The following ACSBG2 variants were observed in gnomAD, a reference collection of about 807,000 sequenced individuals.
The protein encoded by ACSBG2 is acyl-CoA synthetase bubblegum family member 2.
In ACSBG2, 62 loss-of-function variants were observed where a neutral mutation model predicts 74.7. That is an observed-to-expected ratio of 0.83 (90% CI 0.68 to 1.03). The LOEUF (loss-of-function observed/expected upper bound fraction) is 1.03. ACSBG2 is among the 50% of genes least tolerant of loss of function. ACSBG2 has a pLI of 0.00. For synonymous variants in ACSBG2, 309 were observed against 294.1 expected, an observed-to-expected ratio of 1.05 and a Z score of -0.52; for missense variants, 730 against 817.6, an observed-to-expected ratio of 0.89 and a Z score of 1.31.
chr19:6,142,535 G>A (rs1016819651), intron 2 of ACSBG2, among the ~76,000 whole-genome samples: 1 of 151,938 alleles, frequency 6.6e-6, no homozygotes, highest in Non-Finnish European at 1.5e-5. Flanking sequence ...GGCGGATCAC[G>A]AGGTCAGGAG....
chr19:6,137,751 A>C (rs1161917064), intron 1 of ACSBG2, among the ~76,000 whole-genome samples: 1 of 151,932 alleles, frequency 6.6e-6, no homozygotes, highest in Non-Finnish European at 1.5e-5. Context: ...GGGTTCAAGC[A>C]ATTCTCCCAC....
At chr19:6,152,263 C>A (rs1223239201) in intron 4 of ACSBG2, among the ~76,000 whole-genome samples, 1 of 150,414 alleles carries the variant, frequency 6.6e-6, no homozygotes, top group African/African-American at 2.5e-5. Flanking sequence ...TGAGCACACA[C>A]CACCACACCC....
At position 6,190,683 on chromosome 19, in the gene ACSBG2, T is replaced by C. The variant is rs1298854271; in HGVS notation, c.*26T>C. 1 of 1,606,496 alleles carries C rather than the reference T, an allele frequency of 6.2e-7. No homozygotes were observed. The highest frequency in any genetic ancestry group is 1.7e-5 in the Admixed American group (1 of 59,972). ...CTGCTTTGATGGAGCTGCTCTCAGC[T>C]GTTCTGATGGTGAGATTCAGTTGCT... On this transcript the variant is annotated 3_prime_UTR_variant, in exon 14 of 15. Transcript: ENST00000588485.
intron 4 of ACSBG2, among the ~76,000 whole-genome samples, chr19:6,152,809 T>C (rs2089284646): frequency 1.3e-5 from 2 of 152,036 alleles, no homozygotes; most frequent in South Asian, 4.2e-4. Flanking sequence ...GATTAAACCA[T>C]GAGATGCCTT....
rs2090211990 is a variant in ACSBG2 at position 6,180,317 on chromosome 19, A to C, written c.907-2434A>C. ...CCCACACTCTCCATCAAGCAGGCTA[A>C]ATCTTAGGGCCTTTGCACGTGCTTC... On this transcript the variant is annotated intron_variant, in intron 8 of 14. Coordinates refer to ENST00000588485, the MANE Select transcript of ACSBG2 (RefSeq NM_030924.5). This position sits in a 1 kb window ranked among gnomAD's most constrained non-coding sequence, Gnocchi z 4.3. Among the ~76,000 whole-genome samples, 1 of 152,162 alleles carries C rather than the reference A, an allele frequency of 6.6e-6. No homozygotes were observed. The highest frequency in any genetic ancestry group is 1.5e-5 in the Non-Finnish European group (1 of 68,034).
At chr19:6,170,067 CT>C (rs2089923917) in intron 7 of ACSBG2, among the ~76,000 whole-genome samples, 1 of 152,058 alleles carries the variant, frequency 6.6e-6, no homozygotes, top group Non-Finnish European at 1.5e-5. Context: ...ATTCATACAT[CT>C]TTTATTTCTT....
At chr19:6,157,683 C>G (rs1356948260) in intron 5 of ACSBG2, among the ~76,000 whole-genome samples, 1 of 152,116 alleles carries the variant, frequency 6.6e-6, no homozygotes, top group Non-Finnish European at 1.5e-5. Flanking sequence ...TCCCAAAGTG[C>G]TGGGATTATA....
Position 6,152,377 on chromosome 19 carries a change from G to A in ACSBG2, c.386+582G>A, listed in dbSNP as rs1197079503. Among the ~76,000 whole-genome samples, 2 of 48,642 alleles carry A rather than the reference G, an allele frequency of 4.1e-5. 1 individual carries two copies. Among genetic ancestry groups the A allele is most frequent in the Non-Finnish European group, 9.1e-5 (2 of 21,990 alleles). 31.9% of individuals were successfully genotyped at this position (48,642 alleles called of 152,430 possible). Reference sequence around the variant, plus strand: ...GCAATCTCGGCTCACTGCAAGCTCCGCTTCCCGGGTTCACGCCATTCTCCT... The same window carrying A: ...GCAATCTCGGCTCACTGCAAGCTCCACTTCCCGGGTTCACGCCATTCTCCT... On this transcript the variant is annotated intron_variant, in intron 4 of 14. Transcript: ENST00000588485.
At chr19:6,188,111 C>A (rs78503480) in intron 13 of ACSBG2, among the ~76,000 whole-genome samples, 12,694 of 152,256 alleles carry the variant, frequency 0.083, 933 homozygotes, top group African/African-American at 0.2. Flanking sequence ...TCTTGATGTT[C>A]CTGCAGCTCT....
chr19:6,189,403 G>A (rs75487388), intron 13 of ACSBG2, among the ~76,000 whole-genome samples: 12,939 of 152,222 alleles, frequency 0.085, 1,549 homozygotes, highest in African/African-American at 0.27. Flanking sequence ...CGAGTTTGCT[G>A]TCAGCGCTCG....
intron 6 of ACSBG2, among the ~76,000 whole-genome samples, chr19:6,163,230 A>C (rs376081382): frequency 0.22 from 18,224 of 84,178 alleles, 4,208 homozygotes; most frequent in Non-Finnish European, 0.29. Context: ...CGGGCAGATC[A>C]TGAGGTCAGG....
At chr19:6,192,071 C>CAAAAAAAAAAAAAAAAAAA (rs397859531) in intron 14 of ACSBG2, 29 of 57,448 alleles carry the variant, frequency 5.0e-4, no homozygotes, top group African/African-American at 2.0e-3. Context: ...AGCACAGCAC[C>CAAAAAAAAAAAAAAAAAAA]AAAAAAAAAA....
chr19:6,165,839 T>C, intron 6 of ACSBG2, 27 bp from the exon 7 acceptor site: 1 of 1,613,060 alleles, frequency 6.2e-7, no homozygotes, highest in South Asian at 1.1e-5. Context: ...TGCCTTCTCA[T>C]CCTCCGCTTG....
At chr19:6,163,142 T>C (rs905812009) in intron 6 of ACSBG2, among the ~76,000 whole-genome samples, 1 of 145,062 alleles carries the variant, frequency 6.9e-6, no homozygotes, top group Non-Finnish European at 1.5e-5. Flanking sequence ...ATAATAATAA[T>C]AATAATAATA....
chr19:6,179,489 C>T (rs1309312380), intron 8 of ACSBG2, among the ~76,000 whole-genome samples: 1 of 152,050 alleles, frequency 6.6e-6, no homozygotes, highest in Non-Finnish European at 1.5e-5. Context: ...TGATTTTCTA[C>T]ATGTCTAGAC....
chr19:6,163,100 C>A (rs1453541591), intron 6 of ACSBG2, among the ~76,000 whole-genome samples: 2 of 146,828 alleles, frequency 1.4e-5, no homozygotes, highest in East Asian at 2.0e-4. Context: ...CATGGAGAAA[C>A]CCTGTCTCTA....
chr19:6,185,581 G>C lies in ACSBG2; in HGVS notation c.1468G>C (p.Gly490Arg). Residue 490 changes from glycine (G) to arginine (R), a missense_variant, in exon 11 of 15, where the codon GGC (glycine) becomes CGC (arginine). Physicochemically the swap from Gly to Arg is moderately radical, Grantham distance 125. Transcript: ENST00000588485. ...AACTACAGAGGCCATCGATGATGAA[G>C]GCTGGCTACACTCTGGGGATCTGGG... Reference protein sequence around the residue: ...TETTEAIDDEGWLHSGDLGQL... With the variant: ...TETTEAIDDERWLHSGDLGQL... 6.2e-7 allele frequency: 1 copy of C among 1,614,196 alleles called. No homozygotes were observed.
At chr19:6,139,535 G>T (rs1027530653) in intron 1 of ACSBG2, among the ~76,000 whole-genome samples, 1 of 152,110 alleles carries the variant, frequency 6.6e-6, no homozygotes, top group East Asian at 1.9e-4. Flanking sequence ...CTGTGTTCCT[G>T]CACTCACTGA....
At chr19:6,170,528 G>C (rs546854764) in intron 7 of ACSBG2, among the ~76,000 whole-genome samples, 1 of 152,230 alleles carries the variant, frequency 6.6e-6, no homozygotes, top group East Asian at 1.9e-4. Flanking sequence ...AAGTTGCTTA[G>C]TTTCCATGTA....
Sources: allele counts gnomAD v4.1 joint callset (sites outside exome capture counted in the v4.1 genomes callset), GRCh38; gene constraint gnomAD v4.1.1; non-coding constraint Gnocchi (gnomAD v3.1); transcripts MANE v1.5; gene names NCBI Gene and HGNC (gene_info 2026-07-23, HGNC 2026-07-21).